CCR2: variants seen among roughly 807,000 people sequenced by gnomAD.
CCR2 encodes C-C chemokine receptor type 2.
For missense variants in CCR2, 408 were observed against 440.0 expected (o/e 0.93, Z 0.65); for synonymous variants, 183 against 177.1 (o/e 1.03, Z -0.27).
Position 46,358,021 on chromosome 3 carries a change from G to C in CCR2, c.494G>C (p.Trp165Ser), listed in dbSNP as rs958407661. The C allele has an allele frequency of 1.1e-5, 17 of 1,614,080 alleles. No individual in the cohort carries two copies. The highest frequency in any genetic ancestry group is 1.4e-5 in the Non-Finnish European group (16 of 1,180,032). Residue 165 changes from tryptophan (W) to serine (S), a missense_variant, in exon 2 of 2, where the codon TGG (tryptophan) becomes TCG (serine). Coordinates refer to ENST00000445132, the MANE Select transcript of CCR2 (RefSeq NM_001123396.4). The part of the protein sequence containing the change: ...TFGVVTSVIT[W>S]LVAVFASVPG... The stretch of plus-strand genomic sequence containing the variant: ...GGGGTGGTGACAAGTGTGATCACCT[G>C]GTTGGTGGCTGTGTTTGCTTCTGTC...
rs1185352595 is a variant in CCR2, at chr3:46,359,728, G to C, written c.*1118G>C. The C allele has an allele frequency of 6.2e-7, 1 of 1,613,992 alleles. No homozygotes were observed. Among genetic ancestry groups the C allele is most frequent in the East Asian group, 2.2e-5 (1 of 44,896 alleles). On this transcript the variant is annotated 3_prime_UTR_variant, in exon 2 of 2. Transcript: ENST00000445132. The stretch of plus-strand genomic sequence containing the variant: ...GGATTGCCCCACTCCAAAAACCAGT[G>C]TGTGGAGGTCCAGGAGTGAGACCAG...
chr3:46,359,602 G>A lies in CCR2; in HGVS notation c.*992G>A. 2 of 1,418,388 alleles carry A rather than the reference G, an allele frequency of 1.4e-6. No individual in the cohort carries two copies. The highest frequency in any genetic ancestry group is 2.7e-5 in the South Asian group (2 of 73,034). 87.9% of individuals were successfully genotyped at this position (1,418,388 alleles called of 1,614,324 possible). Reference sequence around the variant, plus strand: ...CAGAACCCAGTAAAGCTTCTTGTCTGGATCTGAGCTGGTTTGTTTTGTGCT... The same window carrying A: ...CAGAACCCAGTAAAGCTTCTTGTCTAGATCTGAGCTGGTTTGTTTTGTGCT... On this transcript the variant is annotated 3_prime_UTR_variant, in exon 2 of 2. Transcript: ENST00000445132.
Position 46,357,552 on chromosome 3 carries a change from T to C in CCR2, c.25T>C (p.Phe9Leu). 2 of 1,614,014 alleles carry C rather than the reference T, an allele frequency of 1.2e-6. No homozygotes were observed. The highest frequency in any genetic ancestry group is 1.7e-6 in the Non-Finnish European group (2 of 1,179,874). The change falls in exon 2 of 2, where the codon TTT (phenylalanine) becomes CTT (leucine). Residue 9 changes from phenylalanine (F) to leucine (L), a missense_variant. Phe to Leu is a conservative substitution (Grantham distance 22, BLOSUM62 0). Coordinates refer to ENST00000445132, the MANE Select transcript of CCR2 (RefSeq NM_001123396.4). ...CATGCTGTCCACATCTCGTTCTCGG[T>C]TTATCAGAAATACCAACGAGAGCGG... is the stretch of plus-strand genomic sequence containing the variant. MLSTSRSRFIRNTNESGEE... is the reference protein window; with the variant it reads MLSTSRSRLIRNTNESGEE...
rs1701509114 is a variant in CCR2 at position 46,359,310 on chromosome 3, A to G, written c.*700A>G. 9.8e-7 allele frequency: 1 copy of G among 1,021,338 alleles called. No individual in the cohort carries two copies. Among genetic ancestry groups the G allele is most frequent in the Non-Finnish European group, 1.2e-6 (1 of 844,456 alleles). The allele number at this position is 1,021,338 out of a possible 1,614,324, so 63.3% of individuals were successfully genotyped here. On this transcript the variant is annotated 3_prime_UTR_variant, in exon 2 of 2. Coordinates refer to ENST00000445132, the MANE Select transcript of CCR2 (RefSeq NM_001123396.4). ...TGAAATCTATGAAATATCATGCTCC[A>G]TTGTTCAGATGCTTCTTAGGCCACA...
In CCR2 at chr3:46,359,480, G is replaced by A; in HGVS notation, c.*870G>A. ...TTATGAGAAGGGGGTGGAGAATGAT[G>A]AGTTCCTTCACCAGGAGCAAAGGAC... On this transcript the variant is annotated 3_prime_UTR_variant, in exon 2 of 2. Coordinates refer to ENST00000445132, the MANE Select transcript of CCR2 (RefSeq NM_001123396.4). The A allele has an allele frequency of 6.9e-6, 7 of 1,012,868 alleles. No individual in the cohort carries two copies. Among genetic ancestry groups the A allele is most frequent in the Non-Finnish European group, 9.6e-6 (7 of 732,114 alleles). 62.7% of individuals were successfully genotyped at this position (1,012,868 alleles called of 1,614,324 possible). A position where few individuals can be genotyped will look rare whatever the true frequency, so the allele number is the denominator to read the frequency against.
rs41502346 is a variant in CCR2, at chr3:46,357,395, C to T, written c.-51-82C>T. On this transcript the variant is annotated intron_variant, in intron 1 of 1. Transcript: ENST00000445132. The stretch of plus-strand genomic sequence containing the variant: ...GGAGAGGGCAAAGACTGGGAAGTTG[C>T]TTATGTGGTGCCAGACTATTTGGAA... 4.4e-4 allele frequency: 415 copies of T among 945,480 alleles called. 2 individuals carry two copies. In the East Asian group the frequency reaches 9.5e-3, roughly 22 times the overall value. The allele number at this position is 945,480 out of a possible 1,614,324, so 58.6% of individuals were successfully genotyped here. A position where few individuals can be genotyped will look rare whatever the true frequency, so the allele number is the denominator to read the frequency against.
At chr3:46,354,375 G>T (rs1157615194) in intron 1 of CCR2, among the ~76,000 whole-genome samples, 198 bp downstream of exon 1, 1 of 152,140 alleles carries the variant, frequency 6.6e-6, no homozygotes, top group African/African-American at 2.4e-5. Context: ...AGAGCAGCGT[G>T]CAGCAGGTGA....
chr3:46,359,785 C>G lies in CCR2; in HGVS notation c.*1175C>G. 1.2e-6 allele frequency: 2 copies of G among 1,614,146 alleles called. No individual in the cohort carries two copies. Among genetic ancestry groups the G allele is most frequent in the Non-Finnish European group, 1.7e-6 (2 of 1,180,004 alleles). On this transcript the variant is annotated 3_prime_UTR_variant, in exon 2 of 2. Transcript: ENST00000445132. ...ATGTGAAAGTGACTACACAAGGACT[C>G]CTCGATGGTCGTGGAAAAGGAAAGT...
At chr3:46,356,363 G>A (rs1701451301) in intron 1 of CCR2, among the ~76,000 whole-genome samples, 2 of 152,294 alleles carry the variant, frequency 1.3e-5, no homozygotes, top group African/African-American at 4.8e-5. Flanking sequence ...TAAGGTGTGG[G>A]CACGGGGAGG....
rs1701520057 is a variant in CCR2, at chr3:46,359,781, G to T, written c.*1171G>T. ...AAGAATGTGAAAGTGACTACACAAG[G>T]ACTCCTCGATGGTCGTGGAAAAGGA... On this transcript the variant is annotated 3_prime_UTR_variant, in exon 2 of 2. Coordinates refer to ENST00000445132, the MANE Select transcript of CCR2 (RefSeq NM_001123396.4). The T allele has an allele frequency of 6.2e-7, 1 of 1,614,142 alleles. No homozygotes were observed. The highest frequency in any genetic ancestry group is 1.7e-5 in the Admixed American group (1 of 60,028).
chr3:46,356,734 A>G (rs1701459329), intron 1 of CCR2, among the ~76,000 whole-genome samples: 1 of 152,272 alleles, frequency 6.6e-6, no homozygotes, highest in East Asian at 1.9e-4. Flanking sequence ...CCTGGCCAAC[A>G]TGGTGAATCC....
chr3:46,354,572 C>A (rs369054907), intron 1 of CCR2, among the ~76,000 whole-genome samples: 4 of 152,154 alleles, frequency 2.6e-5, no homozygotes, highest in Admixed American at 6.5e-5. Context: ...TCAGGAGATC[C>A]ACAGAGGCAG....
intron 1 of CCR2, chr3:46,354,827 A>AT (rs1184544199): frequency 2.6e-5 from 4 of 152,188 alleles, no homozygotes; most frequent in Non-Finnish European, 5.9e-5. Context: ...AGGCAGATGC[A>AT]TTTTTTTCCA....
chr3:46,357,991 C>A lies in CCR2; in HGVS notation c.464C>A (p.Thr155Asn), dbSNP rs567951143. The A allele has an allele frequency of 1.2e-6, 2 of 1,614,044 alleles. No homozygotes were observed. Among genetic ancestry groups the A allele is most frequent in the African/African-American group, 1.3e-5 (1 of 74,920 alleles). The change falls in exon 2 of 2, where the codon ACC becomes AAC. Residue 155 changes from threonine (T) to asparagine (N), a missense_variant. Thr to Asn is a moderately conservative substitution (Grantham distance 65, BLOSUM62 0). Coordinates refer to ENST00000445132, the MANE Select transcript of CCR2 (RefSeq NM_001123396.4). ...TTTGCTTTAAAAGCCAGGACGGTCA[C>A]CTTTGGGGTGGTGACAAGTGTGATC... ...AVFALKARTV[T>N]FGVVTSVITW...
Position 46,360,745 on chromosome 3 carries a change from C to T in CCR2, c.*2135C>T, listed in dbSNP as rs577380670. On this transcript the variant is annotated 3_prime_UTR_variant, in exon 2 of 2. Transcript: ENST00000445132. ...CCAAGCTGGACTATGGCTCTACTTT[C>T]AGGCCACATGGCTAAAGAAGGTTTC... is the stretch of plus-strand genomic sequence containing the variant. The T allele has an allele frequency of 9.2e-5, 14 of 152,332 alleles. No individual in the cohort carries two copies. Among genetic ancestry groups the T allele is most frequent in the African/African-American group, 2.9e-4 (12 of 41,574 alleles). 9.4% of individuals were successfully genotyped at this position (152,332 alleles called of 1,614,324 possible).
chr3:46,359,729 T>G lies in CCR2; in HGVS notation c.*1119T>G. 6.2e-7 allele frequency: 1 copy of G among 1,614,006 alleles called. No individual in the cohort carries two copies. Among genetic ancestry groups the G allele is most frequent in the Non-Finnish European group, 8.5e-7 (1 of 1,179,950 alleles). On this transcript the variant is annotated 3_prime_UTR_variant, in exon 2 of 2. Transcript: ENST00000445132. The stretch of plus-strand genomic sequence containing the variant: ...GATTGCCCCACTCCAAAAACCAGTG[T>G]GTGGAGGTCCAGGAGTGAGACCAGG...
Position 46,357,481 on chromosome 3 carries a change from G to C in CCR2, c.-47G>C. 1.3e-6 allele frequency: 2 copies of C among 1,583,010 alleles called. No individual in the cohort carries two copies. The highest frequency in any genetic ancestry group is 1.7e-6 in the Non-Finnish European group (2 of 1,159,472). ...CATTTTGTTCTTTGTTTACAGAACA[G>C]AGAAAGTGGATTGAACAAGGACGCA... is the stretch of plus-strand genomic sequence containing the variant. On this transcript the variant is annotated 5_prime_UTR_variant, in exon 2 of 2. Transcript: ENST00000445132.
rs768632544 is a variant in CCR2 at position 46,358,154 on chromosome 3, G to A, written c.627G>A (p.Leu209=). 6.2e-7 allele frequency: 1 copy of A among 1,614,020 alleles called. No individual in the cohort carries two copies. The highest frequency in any genetic ancestry group is 8.5e-7 in the Non-Finnish European group (1 of 1,180,016). Residue 209 remains leucine (L), a synonymous_variant, in exon 2 of 2, where the codon TTG becomes TTA. Transcript: ENST00000445132. ...TCCACACAATAATGAGGAACATTTTGGGGCTGGTCCTGCCGCTGCTCATCA... is the reference window on the plus strand; with the variant it reads ...TCCACACAATAATGAGGAACATTTTAGGGCTGGTCCTGCCGCTGCTCATCA... ...NNFHTIMRNI[L]GLVLPLLIMV...
In CCR2 at chr3:46,359,566, G is replaced by A. The variant is rs1459715922; in HGVS notation, c.*956G>A. On this transcript the variant is annotated 3_prime_UTR_variant, in exon 2 of 2. Coordinates refer to ENST00000445132, the MANE Select transcript of CCR2 (RefSeq NM_001123396.4). Reference sequence around the variant, plus strand: ...AAATCAACTAAGTGGAGAGAGCCAGGAAGGCTGCATCAGAACCCAGTAAAG... The same window carrying A: ...AAATCAACTAAGTGGAGAGAGCCAGAAAGGCTGCATCAGAACCCAGTAAAG... The A allele has an allele frequency of 8.6e-7, 1 of 1,160,502 alleles. No homozygotes were observed. The highest frequency in any genetic ancestry group is 2.7e-5 in the Admixed American group (1 of 37,120). The allele number at this position is 1,160,502 out of a possible 1,614,324, so 71.9% of individuals were successfully genotyped here. A position where few individuals can be genotyped will look rare whatever the true frequency, so the allele number is the denominator to read the frequency against.
Sources: gnomAD v4.1 joint callset for allele counts (sites outside exome capture counted in the v4.1 genomes callset) on GRCh38, gnomAD v4.1.1 for gene constraint, MANE v1.5 for transcripts, NCBI Gene and HGNC (gene_info 2026-07-23, HGNC 2026-07-21) for gene names.